The following ATXN8OS variants were observed in gnomAD, a reference collection of about 807,000 sequenced individuals.
The protein encoded by ATXN8OS is ATXN8 opposite strand (non-protein coding).
exon 1 of ATXN8OS, chr13:70,107,935 C>T (rs1888117189): frequency 8.3e-6 from 4 of 480,748 alleles, no homozygotes; most frequent in Non-Finnish European, 1.1e-5. Context: ...CGTGGGGACA[C>T]CACCAGGCAG....
At chr13:70,137,608 A>G (rs559225854) in intron 3 of ATXN8OS, among the ~76,000 whole-genome samples, 1 of 152,180 alleles carries the variant, frequency 6.6e-6, no homozygotes, top group African/African-American at 2.4e-5. Flanking sequence ...ACATTTCTAA[A>G]TGCATCTCTA....
intron 1 of ATXN8OS, among the ~76,000 whole-genome samples, chr13:70,114,147 T>C (rs1338358790): frequency 6.6e-6 from 1 of 152,172 alleles, no homozygotes; most frequent in Non-Finnish European, 1.5e-5. Flanking sequence ...AAATCACAAC[T>C]TGACACTTAA....
chr13:70,108,500 G>A (rs902711813), intron 1 of ATXN8OS: 1 of 142,196 alleles, frequency 7.0e-6, no homozygotes, highest in East Asian at 2.5e-4. Context: ...AAGTGACGCA[G>A]ATGTGCACTG....
intron 4 of ATXN8OS, among the ~76,000 whole-genome samples, chr13:70,165,134 C>T (rs1266829242): frequency 6.6e-6 from 1 of 151,740 alleles, no homozygotes; most frequent in Non-Finnish European, 1.5e-5. Flanking sequence ...CAATTTTGAG[C>T]TTTCAAGCCT....
chr13:70,137,172 T>C (rs573165697), intron 3 of ATXN8OS, among the ~76,000 whole-genome samples: 1 of 152,216 alleles, frequency 6.6e-6, no homozygotes, highest in African/African-American at 2.4e-5. Flanking sequence ...TCATTAATAG[T>C]CACTGGTTTA....
chr13:70,142,818 A>C (rs1176859987), intron 3 of ATXN8OS, among the ~76,000 whole-genome samples: 3 of 152,216 alleles, frequency 2.0e-5, no homozygotes, highest in Non-Finnish European at 4.4e-5. Context: ...TCATGCCTGT[A>C]ATCCCAGCAC....
chr13:70,140,533 C>CAAAAAAAAAAAAAAAAAAAAA (rs58996989), intron 3 of ATXN8OS, among the ~76,000 whole-genome samples: 1 of 133,040 alleles, frequency 7.5e-6, no homozygotes. Context: ...CACACACACA[C>CAAAAAAAAAAAAAAAAAAAAA]AAAAAAAAAA....
intron 2 of ATXN8OS, among the ~76,000 whole-genome samples, chr13:70,123,790 T>C (rs1337763799): frequency 6.6e-6 from 1 of 152,082 alleles, no homozygotes; most frequent in African/African-American, 2.4e-5. Flanking sequence ...ACTTAGTGCC[T>C]GAGGTTGTCA....
chr13:70,108,853 G>A, intron 1 of ATXN8OS, among the ~76,000 whole-genome samples: 1 of 152,132 alleles, frequency 6.6e-6, no homozygotes, highest in East Asian at 1.9e-4. Context: ...GGATGCTGGC[G>A]TCAAAATGTG....
chr13:70,113,325 T>C lies in ATXN8OS; in HGVS notation n.241-1816T>C, dbSNP rs77771435. On this transcript the variant is annotated intron_variant and non_coding_transcript_variant, in intron 1 of 4. Coordinates refer to ENST00000678624, the Ensembl canonical transcript of ATXN8OS. Reference sequence around the variant, plus strand: ...GATATAGATAAATGTAATATACATATACATTTAATAAGTATTTCAAGGATA... The same window carrying C: ...GATATAGATAAATGTAATATACATACACATTTAATAAGTATTTCAAGGATA... Among the ~76,000 whole-genome samples the C allele has an allele frequency of 4.2e-3, 637 of 152,222 alleles. 5 individuals are homozygous for C. The highest frequency in any genetic ancestry group is 0.015 in the African/African-American group (610 of 41,550).
At chr13:70,159,128 C>A (rs796176983) in intron 4 of ATXN8OS, among the ~76,000 whole-genome samples, 1 of 151,612 alleles carries the variant, frequency 6.6e-6, no homozygotes, top group Non-Finnish European at 1.5e-5. Context: ...TTTAGATCTC[C>A]TTACTAATTA....
chr13:70,151,614 G>A (rs987570575), intron 4 of ATXN8OS, among the ~76,000 whole-genome samples: 18 of 152,118 alleles, frequency 1.2e-4, no homozygotes, highest in African/African-American at 3.6e-4. Context: ...ACATAAGTTC[G>A]AATGTAAAAC....
chr13:70,122,047 G>A (rs1336514413), intron 2 of ATXN8OS, among the ~76,000 whole-genome samples: 1 of 151,938 alleles, frequency 6.6e-6, no homozygotes, highest in Non-Finnish European at 1.5e-5. Flanking sequence ...TTAGAATTAT[G>A]TTCTAGATAT....
At chr13:70,108,793 G>A (rs947033574) in intron 1 of ATXN8OS, among the ~76,000 whole-genome samples, 2 of 152,312 alleles carry the variant, frequency 1.3e-5, no homozygotes, top group Non-Finnish European at 2.9e-5. Context: ...AATGAACCGC[G>A]TCTTTTAACC....
intron 2 of ATXN8OS, among the ~76,000 whole-genome samples, chr13:70,120,180 C>T (rs935222295): frequency 2.0e-5 from 3 of 151,936 alleles, no homozygotes; most frequent in African/African-American, 4.8e-5. Flanking sequence ...GTCAGTGACC[C>T]ACATTACCTT....
chr13:70,111,494 A>G (rs1042000279), intron 1 of ATXN8OS, among the ~76,000 whole-genome samples: 1 of 152,124 alleles, frequency 6.6e-6, no homozygotes, highest in African/African-American at 2.4e-5. Context: ...TTTCTTATAA[A>G]GCCACTAATC....
At chr13:70,137,065 A>T (rs1188577459) in intron 3 of ATXN8OS, among the ~76,000 whole-genome samples, 2 of 152,202 alleles carry the variant, frequency 1.3e-5, no homozygotes, top group Admixed American at 6.5e-5. Flanking sequence ...TTCCTTGAAG[A>T]TCAACAATTT....
intron 3 of ATXN8OS, chr13:70,131,354 G>A (rs1350429768): frequency 2.5e-6 from 1 of 398,272 alleles, no homozygotes; most frequent in African/African-American, 2.1e-5. Context: ...TCCTCTCCAA[G>A]CTGTAAGCAG....
At chr13:70,159,062 C>T (rs1339759798) in intron 4 of ATXN8OS, among the ~76,000 whole-genome samples, 2 of 151,810 alleles carry the variant, frequency 1.3e-5, no homozygotes, top group Non-Finnish European at 2.9e-5. Flanking sequence ...TGATTCATTT[C>T]ATTTTCTCAA....
Sources: gnomAD v4.1 joint callset for allele counts (sites outside exome capture counted in the v4.1 genomes callset) on GRCh38, gnomAD v4.1.1 for gene constraint, MANE v1.5 for transcripts, NCBI Gene and HGNC (gene_info 2026-07-23, HGNC 2026-07-21) for gene names.